Variants in IGSF5 observed in about 807,000 individuals in gnomAD.
The protein encoded by IGSF5 is immunoglobulin superfamily member 5.
Under a neutral mutation model 39.4 loss-of-function variants are expected in IGSF5, and 41 were observed. That is an observed-to-expected ratio of 1.04 (90% CI 0.81 to 1.35). The LOEUF is 1.35. Among genes scored for constraint, IGSF5 ranks in the 40% most tolerant of loss-of-function variants. The pLI is 0.00. For missense variants in IGSF5, 487 were observed against 494.6 expected (o/e 0.98, Z 0.15); for synonymous variants, 183 against 175.3 (o/e 1.04, Z -0.34).
At position 39,795,953 on chromosome 21, in the gene IGSF5, C is replaced by T. The variant is rs115128154; in HGVS notation, c.1128+2340C>T. 2.2e-4 allele frequency among the ~76,000 whole-genome samples: 33 copies of T among 152,226 alleles called. No individual in the cohort carries two copies. The South Asian group carries it at 6.9e-3, about 32-fold the overall frequency. ...TAAATAACTGGATCTTTCTACTCATCATGGGGGGACTTTAGGACAAAGTCC... is the reference window on the plus strand; with the variant it reads ...TAAATAACTGGATCTTTCTACTCATTATGGGGGGACTTTAGGACAAAGTCC... On this transcript the variant is annotated intron_variant, in intron 8 of 8. Transcript: ENST00000380588.
upstream of IGSF5, among the ~76,000 whole-genome samples, chr21:39,743,085 G>T (rs554789655): frequency 8.5e-5 from 13 of 152,246 alleles, no homozygotes; most frequent in South Asian, 2.7e-3. Context: ...ATAATTCACA[G>T]CCTTCTTCCT....
chr21:39,715,327 C>T, the IGSF5 span, among the ~76,000 whole-genome samples: 1 of 152,024 alleles, frequency 6.6e-6, no homozygotes, highest in Admixed American at 6.5e-5. Flanking sequence ...CCATGTTGCT[C>T]AGGCTGGTCT....
chr21:39,759,288 T>A (rs1221230084), intron 2 of IGSF5, among the ~76,000 whole-genome samples: 1 of 152,192 alleles, frequency 6.6e-6, no homozygotes, highest in Non-Finnish European at 1.5e-5. Context: ...GGTGTCAAAA[T>A]GTGTTTGGGG....
Position 39,765,446 on chromosome 21 carries a change from AC to A in IGSF5, c.101-87del. On this transcript the variant is annotated intron_variant, in intron 2 of 8. Transcript: ENST00000380588. ...TCACTGGATGGACAACCTGGGGGTT[AC>A]CACTGGTAAATACAGAAAGGTTACA... The A allele has an allele frequency of 4.1e-6, 5 of 1,205,266 alleles. 1 individual carries two copies. The South Asian group carries it at 5.6e-5, about 13-fold the overall frequency. 74.7% of individuals were successfully genotyped at this position (1,205,266 alleles called of 1,614,324 possible). A position where few individuals can be genotyped will look rare whatever the true frequency, so the allele number is the denominator to read the frequency against.
the IGSF5 span, among the ~76,000 whole-genome samples, chr21:39,720,729 T>C: frequency 2.0e-5 from 3 of 152,220 alleles, no homozygotes; most frequent in Non-Finnish European, 2.9e-5. Flanking sequence ...GTATGGACTT[T>C]GGTTAATATT....
chr21:39,717,630 T>C, the IGSF5 span, among the ~76,000 whole-genome samples: 1 of 152,222 alleles, frequency 6.6e-6, no homozygotes, highest in Non-Finnish European at 1.5e-5. Flanking sequence ...TTGTCAACTT[T>C]GTCAAAGATC....
chr21:39,786,369 A>G (rs1053615158), intron 5 of IGSF5, among the ~76,000 whole-genome samples: 1 of 148,800 alleles, frequency 6.7e-6, no homozygotes, highest in Non-Finnish European at 1.5e-5. Context: ...GCTCACCATC[A>G]CTGGCCATCA....
At chr21:39,773,852 T>C (rs1012429316) in intron 4 of IGSF5, among the ~76,000 whole-genome samples, 1 of 152,212 alleles carries the variant, frequency 6.6e-6, no homozygotes, top group Non-Finnish European at 1.5e-5. Context: ...GCATATATCT[T>C]AACGAGGTAA....
At chr21:39,760,210 A>G (rs1025189164) in intron 2 of IGSF5, among the ~76,000 whole-genome samples, 6 of 152,124 alleles carry the variant, frequency 3.9e-5, no homozygotes, top group Non-Finnish European at 8.8e-5. Context: ...CTCAGCCACC[A>G]TGTTTATTCA....
At chr21:39,794,732 A>G (rs183438137) in intron 8 of IGSF5, among the ~76,000 whole-genome samples, 425 of 152,166 alleles carry the variant, frequency 2.8e-3, no homozygotes, top group Non-Finnish European at 4.6e-3. Context: ...TGGGTTTTGG[A>G]TAGCACACTG....
chr21:39,793,306 C>T (rs192269215), intron 7 of IGSF5, among the ~76,000 whole-genome samples: 33 of 152,020 alleles, frequency 2.2e-4, no homozygotes, highest in African/African-American at 7.2e-4. Flanking sequence ...ACTAATGTGT[C>T]GAGAAAGAAA....
At chr21:39,734,144 G>T in the IGSF5 span, among the ~76,000 whole-genome samples, 22,310 of 152,024 alleles carry the variant, frequency 0.15, 2,369 homozygotes, top group African/African-American at 0.3. Flanking sequence ...AAAAATGATG[G>T]CTGTGTGCAG....
At chr21:39,721,021 C>G in the IGSF5 span, among the ~76,000 whole-genome samples, 56 of 152,308 alleles carry the variant, frequency 3.7e-4, no homozygotes, top group Non-Finnish European at 6.6e-4. Context: ...GTAACTTAAC[C>G]TGTAGAACGA....
At chr21:39,772,763 T>A (rs942558449) in intron 4 of IGSF5, among the ~76,000 whole-genome samples, 2 of 152,214 alleles carry the variant, frequency 1.3e-5, no homozygotes, top group African/African-American at 2.4e-5. Context: ...TACTTTGACT[T>A]AGGTTACATA....
chr21:39,742,719 C>G (rs1375211152), upstream of IGSF5, among the ~76,000 whole-genome samples: 2 of 152,190 alleles, frequency 1.3e-5, no homozygotes, highest in South Asian at 2.1e-4. Flanking sequence ...ATTTGCCCAG[C>G]TTTTCCCTTT....
the IGSF5 span, among the ~76,000 whole-genome samples, chr21:39,734,139 T>C: frequency 6.6e-6 from 1 of 152,100 alleles, no homozygotes; most frequent in Admixed American, 6.6e-5. Flanking sequence ...AAGTTAAAAA[T>C]GATGGCTGTG....
intron 7 of IGSF5, among the ~76,000 whole-genome samples, chr21:39,792,432 G>T (rs2086970796): frequency 6.6e-6 from 1 of 152,118 alleles, no homozygotes; most frequent in Non-Finnish European, 1.5e-5. Flanking sequence ...TAATGTAAAT[G>T]ACAAGTTAAC....
At chr21:39,776,772 G>A (rs145040286) in intron 4 of IGSF5, among the ~76,000 whole-genome samples, 2 of 152,356 alleles carry the variant, frequency 1.3e-5, no homozygotes, top group East Asian at 3.9e-4. Flanking sequence ...AGTACTGATA[G>A]AGAGTGTGTG....
At chr21:39,742,394 G>C (rs571537195), upstream of IGSF5, among the ~76,000 whole-genome samples, 18 of 152,358 alleles carry the variant, frequency 1.2e-4, no homozygotes, top group South Asian at 3.1e-3. Context: ...CGGGACAGGA[G>C]AGTAAGACTG....
Sources: gnomAD v4.1 joint callset for allele counts (sites outside exome capture counted in the v4.1 genomes callset) on GRCh38, gnomAD v4.1.1 for gene constraint, MANE v1.5 for transcripts, NCBI Gene and HGNC (gene_info 2026-07-23, HGNC 2026-07-21) for gene names.